SESN1: variants seen among roughly 807,000 people sequenced by gnomAD.
The protein encoded by SESN1 is sestrin 1.
In SESN1, 30 loss-of-function variants were observed where a neutral mutation model predicts 59.3. That is an observed-to-expected ratio of 0.51 (90% CI 0.38 to 0.69). The LOEUF is 0.69. Ranked by LOEUF, SESN1 falls within the 30% of genes least tolerant of loss-of-function variation. SESN1 has a pLI of 0.00. For missense variants in SESN1, 566 were observed against 673.0 expected, an observed-to-expected ratio of 0.84 and a Z score of 1.76; for synonymous variants, 197 against 219.9, an observed-to-expected ratio of 0.90 and a Z score of 0.92.
intron 1 of SESN1, among the ~76,000 whole-genome samples, chr6:109,072,679 T>C (rs991761869): frequency 6.6e-6 from 1 of 152,248 alleles, no homozygotes; most frequent in Non-Finnish European, 1.5e-5. Context: ...TGATGCCTCA[T>C]GTTTAATTAT....
intron 1 of SESN1, among the ~76,000 whole-genome samples, chr6:109,053,903 C>T (rs1358285034): frequency 6.6e-6 from 1 of 152,116 alleles, no homozygotes; most frequent in African/African-American, 2.4e-5. Context: ...CAAATGTAGA[C>T]AAATTTAACA....
At chr6:109,019,596 C>A (rs1779978020) in intron 1 of SESN1, among the ~76,000 whole-genome samples, 2 of 152,140 alleles carry the variant, frequency 1.3e-5, no homozygotes, top group Admixed American at 1.3e-4. Flanking sequence ...TCACTCTTAT[C>A]CTTTAGTGAC....
At chr6:109,017,106 G>A (rs1779938683) in intron 1 of SESN1, among the ~76,000 whole-genome samples, 1 of 152,060 alleles carries the variant, frequency 6.6e-6, no homozygotes, top group Non-Finnish European at 1.5e-5. Flanking sequence ...GGTGAATTTC[G>A]TCTATAATTC....
chr6:108,994,117 C>G (rs1583260471), intron 6 of SESN1, among the ~76,000 whole-genome samples: 1 of 119,774 alleles, frequency 8.3e-6, no homozygotes, highest in South Asian at 2.6e-4. Flanking sequence ...TTCAGCCTGG[C>G]AACAAAGCAA....
chr6:109,043,305 A>G (rs1443133204), intron 1 of SESN1, among the ~76,000 whole-genome samples: 1 of 152,140 alleles, frequency 6.6e-6, no homozygotes, highest in Middle Eastern at 3.2e-3. Context: ...TACTCTCACC[A>G]CTCTTACACA....
At chr6:109,046,703 G>A (rs1190611706) in intron 1 of SESN1, among the ~76,000 whole-genome samples, 4 of 126,146 alleles carry the variant, frequency 3.2e-5, no homozygotes, top group African/African-American at 9.1e-5. Context: ...GCCGCCCATC[G>A]TCTGAGATGT....
At position 109,047,297 on chromosome 6, in the gene SESN1, G is replaced by A. The variant is rs1390022421; in HGVS notation, c.280-44954C>T. Among the ~76,000 whole-genome samples the A allele has an allele frequency of 3.4e-4, 41 of 120,506 alleles. No individual in the cohort carries two copies. The South Asian group carries it at 6.3e-3, about 18-fold the overall frequency. The allele number at this position is 120,506 out of a possible 152,430, so 79.1% of individuals were successfully genotyped here. The stretch of plus-strand genomic sequence containing the variant: ...TCTGCCCGGCCGCCCCTACTGGGAA[G>A]TGAGGAGCCCCTCTGCCCGGCCAGC... On this transcript the variant is annotated intron_variant, in intron 1 of 9. Coordinates refer to ENST00000436639, the MANE Select transcript of SESN1 (RefSeq NM_014454.3).
At chr6:109,074,363 C>A (rs979971019) in intron 1 of SESN1, among the ~76,000 whole-genome samples, 1 of 151,896 alleles carries the variant, frequency 6.6e-6, no homozygotes, top group Non-Finnish European at 1.5e-5. Flanking sequence ...AACATTTGGC[C>A]AAGATGCTAA....
At chr6:108,993,740 A>G (rs1649626715) in intron 6 of SESN1, among the ~76,000 whole-genome samples, 2 of 152,006 alleles carry the variant, frequency 1.3e-5, no homozygotes, top group Admixed American at 1.3e-4. Flanking sequence ...CAAATCATAT[A>G]ATTTTTGTTG....
intron 1 of SESN1, among the ~76,000 whole-genome samples, chr6:109,026,397 A>G (rs1025059046): frequency 2.2e-4 from 33 of 152,254 alleles, no homozygotes; most frequent in Non-Finnish European, 4.6e-4. Context: ...TCACCTACCC[A>G]GAATAGTACA....
chr6:109,076,719 G>A (rs143451110), intron 1 of SESN1, among the ~76,000 whole-genome samples: 1 of 152,194 alleles, frequency 6.6e-6, no homozygotes, highest in Non-Finnish European at 1.5e-5. Context: ...TGGGATAGAG[G>A]CAGTGTATAC....
intron 1 of SESN1, among the ~76,000 whole-genome samples, chr6:109,030,888 A>C (rs1780172273): frequency 6.6e-6 from 1 of 152,248 alleles, no homozygotes; most frequent in Admixed American, 6.5e-5. Context: ...AGTCAAATGC[A>C]GGTCTGCTCT....
At chr6:109,074,537 T>C (rs747528097) in intron 1 of SESN1, among the ~76,000 whole-genome samples, 1 of 152,168 alleles carries the variant, frequency 6.6e-6, no homozygotes, top group Non-Finnish European at 1.5e-5. Context: ...AGCTCTACAA[T>C]AGCCAAAATA....
chr6:109,069,127 T>C (rs1303242184), intron 1 of SESN1, among the ~76,000 whole-genome samples: 1 of 152,124 alleles, frequency 6.6e-6, no homozygotes, highest in African/African-American at 2.4e-5. Context: ...GTTTGTAACT[T>C]TCAAGAGGTT....
At chr6:109,005,705 C>T (rs1028636185) in intron 1 of SESN1, among the ~76,000 whole-genome samples, 1 of 152,112 alleles carries the variant, frequency 6.6e-6, no homozygotes, top group African/African-American at 2.4e-5. Context: ...AACACTGTCT[C>T]CCCTCTTCCT....
intron 1 of SESN1, among the ~76,000 whole-genome samples, chr6:109,045,754 AT>A (rs1338304285): frequency 2.0e-5 from 3 of 152,216 alleles, no homozygotes; most frequent in Non-Finnish European, 4.4e-5. Flanking sequence ...ACTTACTAGT[AT>A]ATACCATAAC....
intron 1 of SESN1, among the ~76,000 whole-genome samples, chr6:109,017,325 G>A (rs1287145379): frequency 1.3e-5 from 2 of 151,908 alleles, no homozygotes; most frequent in Non-Finnish European, 2.9e-5. Context: ...TCACTCTGTC[G>A]CCCAGGCTGG....
intron 1 of SESN1, among the ~76,000 whole-genome samples, chr6:109,007,019 C>T (rs930401104): frequency 6.6e-6 from 1 of 152,196 alleles, no homozygotes; most frequent in Non-Finnish European, 1.5e-5. Flanking sequence ...CAGCACTAAC[C>T]TCACAGGCTC....
chr6:109,066,899 C>G (rs1312455378), intron 1 of SESN1, among the ~76,000 whole-genome samples: 1 of 145,816 alleles, frequency 6.9e-6, no homozygotes, highest in African/African-American at 2.6e-5. Flanking sequence ...GTAACAGATG[C>G]CAGAATACAA....
Sources: allele counts gnomAD v4.1 joint callset (sites outside exome capture counted in the v4.1 genomes callset), GRCh38; gene constraint gnomAD v4.1.1; transcripts MANE v1.5; gene names NCBI Gene and HGNC (gene_info 2026-07-23, HGNC 2026-07-21).